The following DHX32 variants were observed in gnomAD, a reference collection of about 807,000 sequenced individuals.
DHX32 encodes DEAH-box helicase 32 (putative).
DHX32 carries 51 observed loss-of-function variants against 70.0 expected under a neutral mutation model. That is an observed-to-expected ratio of 0.73 (90% CI 0.58 to 0.92). The LOEUF is 0.92. Among genes scored for constraint, DHX32 ranks in the 40% least tolerant of loss-of-function variants. DHX32 has a pLI of 0.00. For missense variants in DHX32, 762 were observed against 891.8 expected, an observed-to-expected ratio of 0.85 and a Z score of 1.85; for synonymous variants, 310 against 315.3, an observed-to-expected ratio of 0.98 and a Z score of 0.18.
intron 1 of DHX32, among the ~76,000 whole-genome samples, chr10:125,890,068 T>C (rs1256401736): frequency 6.6e-6 from 1 of 152,312 alleles, no homozygotes; most frequent in Non-Finnish European, 1.5e-5. Context: ...GCTTCCAGAC[T>C]ACATTTTTAA....
chr10:125,843,922 T>TA (rs1402789818), intron 6 of DHX32, among the ~76,000 whole-genome samples: 1 of 152,212 alleles, frequency 6.6e-6, no homozygotes, highest in East Asian at 1.9e-4. Flanking sequence ...CTTTCATCCT[T>TA]ACCTTGGGGC....
upstream of DHX32, among the ~76,000 whole-genome samples, chr10:125,882,154 C>A (rs978894061): frequency 3.9e-5 from 6 of 152,130 alleles, no homozygotes; most frequent in Admixed American, 3.9e-4. Context: ...GGTCTTTCCC[C>A]TTCCAATTAC....
Position 125,859,699 on chromosome 10 carries a change from A to C in DHX32, c.753T>G (p.Ala251=). ...HPVEVVYLSE[A]QKDSFESILR... ...AAATAGACTCAAAAGAATCCTTTTGAGCCTCACTAAGGTACACAACCTCCA... is the reference window on the plus strand; with the variant it reads ...AAATAGACTCAAAAGAATCCTTTTGCGCCTCACTAAGGTACACAACCTCCA... The change falls in exon 3 of 11, where the codon GCT becomes GCG. Residue 251 remains alanine, a synonymous_variant. Coordinates refer to ENST00000284690, the MANE Select transcript of DHX32 (RefSeq NM_018180.3). 1 of 1,614,006 alleles carries C rather than the reference A, an allele frequency of 6.2e-7. No homozygotes were observed. The highest frequency in any genetic ancestry group is 8.5e-7 in the Non-Finnish European group (1 of 1,180,000).
intron 7 of DHX32, chr10:125,841,407 A>C (rs749040781): frequency 6.2e-7 from 1 of 1,603,452 alleles, no homozygotes. Context: ...GAAATAAAAA[A>C]CAGGCACACA....
chr10:125,865,303 A>G (rs1944214134), intron 2 of DHX32, among the ~76,000 whole-genome samples: 1 of 152,166 alleles, frequency 6.6e-6, no homozygotes, highest in South Asian at 2.1e-4. Flanking sequence ...TGTACCACTC[A>G]CGTACAATTT....
intron 6 of DHX32, among the ~76,000 whole-genome samples, chr10:125,850,276 C>T (rs1944073303): frequency 6.6e-6 from 1 of 151,088 alleles, no homozygotes; most frequent in Non-Finnish European, 1.5e-5. Flanking sequence ...CCATGCCCAG[C>T]CCTGCAGAAT....
chr10:125,858,380 G>A (rs1422762817), intron 3 of DHX32, among the ~76,000 whole-genome samples: 2 of 152,120 alleles, frequency 1.3e-5, no homozygotes. Flanking sequence ...AATCATGCAG[G>A]ATGAGATGAT....
rs376381116 is a variant in DHX32, at chr10:125,862,752, C to T, written c.477-2777G>A. ...TCTGCAGTCCCACCTACTTGGGAGG[C>T]TGAGGTGGGAGATCACTCCAGCCCA... On this transcript the variant is annotated intron_variant, in intron 2 of 10. Coordinates refer to ENST00000284690, the MANE Select transcript of DHX32 (RefSeq NM_018180.3). 3.1e-4 allele frequency among the ~76,000 whole-genome samples: 47 copies of T among 152,220 alleles called. No homozygotes were observed. The South Asian group carries it at 9.3e-3, about 30-fold the overall frequency.
At chr10:125,882,348 G>A (rs2134075088), upstream of DHX32, among the ~76,000 whole-genome samples, 1 of 152,284 alleles carries the variant, frequency 6.6e-6, no homozygotes, top group East Asian at 1.9e-4. Context: ...TTAGATGGTT[G>A]GAGCCAGTGT....
intron 1 of DHX32, among the ~76,000 whole-genome samples, chr10:125,895,956 A>G (rs1300439177): frequency 6.6e-6 from 1 of 152,300 alleles, no homozygotes; most frequent in African/African-American, 2.4e-5. Flanking sequence ...GGCCCGGCCC[A>G]TGCCCGGGCT....
At chr10:125,863,024 T>C (rs1240565336) in intron 2 of DHX32, among the ~76,000 whole-genome samples, 2 of 152,020 alleles carry the variant, frequency 1.3e-5, no homozygotes, top group African/African-American at 2.4e-5. Flanking sequence ...ATGCAGTTTA[T>C]ATCTTTAAAT....
At chr10:125,860,066 TTC>T (rs941009860) in intron 2 of DHX32, 91 bp from the exon 3 acceptor site, 144 of 1,208,676 alleles carry the variant, frequency 1.2e-4, no homozygotes, top group Non-Finnish European at 1.6e-4. Context: ...CTATATTCAT[TTC>T]TCTAAATCAG....
rs763984749 is a variant in DHX32, at chr10:125,841,944, G to GA, written c.1352-11dup. On this transcript the variant is annotated splice_polypyrimidine_tract_variant and intron_variant, in intron 6 of 10. Transcript: ENST00000284690. ...ATCAAACTTTCTGGTGCTAGGAAAG[G>GA]AAAAAAATAATAATTTAAGAGTCTC... The GA allele has an allele frequency of 9.6e-6, 15 of 1,570,166 alleles. No homozygotes were observed. Among genetic ancestry groups the GA allele is most frequent in the African/African-American group, 2.8e-5 (2 of 72,354 alleles).
chr10:125,866,927 C>T lies in DHX32; in HGVS notation c.476+63G>A, dbSNP rs1361162674. ...GTAGAATGCCAGAATAATGCTCCTTCAGAATTGTAGAACCTAAGCCAAGAA... is the reference window on the plus strand; with the variant it reads ...GTAGAATGCCAGAATAATGCTCCTTTAGAATTGTAGAACCTAAGCCAAGAA... On this transcript the variant is annotated intron_variant, in intron 2 of 10. Transcript: ENST00000284690. The surrounding 1 kb of genome is among the most constrained non-coding windows in gnomAD (Gnocchi z 4.8). 1.7e-5 allele frequency: 26 copies of T among 1,526,842 alleles called. No homozygotes were observed. The East Asian group carries it at 5.9e-4, about 35-fold the overall frequency. 94.6% of individuals were successfully genotyped at this position (1,526,842 alleles called of 1,614,324 possible).
intron 2 of DHX32, among the ~76,000 whole-genome samples, chr10:125,860,898 G>A (rs566250398): frequency 7.9e-5 from 12 of 151,450 alleles, no homozygotes; most frequent in Middle Eastern, 3.5e-3. Context: ...GACTACAGGC[G>A]CCCGCCACCA....
intron 1 of DHX32, among the ~76,000 whole-genome samples, chr10:125,872,296 G>C (rs767215612): frequency 6.6e-6 from 1 of 152,098 alleles, no homozygotes; most frequent in Non-Finnish European, 1.5e-5. Context: ...TTCCCCCCTA[G>C]TATTAAAAAA....
chr10:125,865,593 G>A (rs1199826571), intron 2 of DHX32, among the ~76,000 whole-genome samples: 4 of 152,138 alleles, frequency 2.6e-5, no homozygotes, highest in East Asian at 1.9e-4. Flanking sequence ...GCAGTGGCGC[G>A]ATCACAGCTC....
At chr10:125,872,529 C>T (rs1944261729) in intron 1 of DHX32, among the ~76,000 whole-genome samples, 1 of 152,180 alleles carries the variant, frequency 6.6e-6, no homozygotes, top group South Asian at 2.1e-4. Context: ...TGTGATTTAT[C>T]CTGGGAGTTT....
intron 6 of DHX32, among the ~76,000 whole-genome samples, chr10:125,844,654 C>T (rs1460313301): frequency 6.6e-6 from 1 of 152,186 alleles, no homozygotes; most frequent in African/African-American, 2.4e-5. Context: ...ACTTGCTTAG[C>T]TAAAAAGCAG....
Sources: gnomAD v4.1 joint callset for allele counts (sites outside exome capture counted in the v4.1 genomes callset) on GRCh38, gnomAD v4.1.1 for gene constraint, Gnocchi (gnomAD v3.1) non-coding constraint, MANE v1.5 for transcripts, NCBI Gene and HGNC (gene_info 2026-07-23, HGNC 2026-07-21) for gene names.